The following NCKAP5 variants were observed in gnomAD, a reference collection of about 807,000 sequenced individuals.
NCKAP5 encodes NCK associated protein 5, also known as nck-associated protein 5.
Under a neutral mutation model 167.0 loss-of-function variants are expected in NCKAP5, and 92 were observed. That is an observed-to-expected ratio of 0.55 (90% confidence interval 0.47 to 0.66). NCKAP5 has a LOEUF of 0.66. Ranked by LOEUF, NCKAP5 falls within the 30% of genes least tolerant of loss-of-function variation. The probability of loss-of-function intolerance (pLI) is 0.00; values close to 1 mark genes in which losing one functional copy is unlikely to be tolerated. For missense variants in NCKAP5, 2,378 were observed against 2,315.0 expected (o/e 1.03, Z -0.56); for synonymous variants, 891 against 877.4 (o/e 1.02, Z -0.27).
At chr2:133,447,234 AAT>A (rs1691254969) in intron 3 of NCKAP5, among the ~76,000 whole-genome samples, 1 of 152,150 alleles carries the variant, frequency 6.6e-6, no homozygotes, top group Admixed American at 6.5e-5. Context: ...AGAGGGGCTC[AAT>A]ATTGATGGGA....
At chr2:133,350,993 G>A (rs573178413) in intron 3 of NCKAP5, among the ~76,000 whole-genome samples, 2 of 152,134 alleles carry the variant, frequency 1.3e-5, no homozygotes, top group African/African-American at 4.8e-5. Flanking sequence ...CAAACACCCT[G>A]AGCCACATCT....
chr2:133,314,502 T>A (rs1328760982), intron 3 of NCKAP5, among the ~76,000 whole-genome samples: 1 of 152,200 alleles, frequency 6.6e-6, no homozygotes, highest in Non-Finnish European at 1.5e-5. Context: ...GGGACCACTC[T>A]GTAAATCACT....
chr2:133,017,932 C>G (rs1258343187), intron 6 of NCKAP5, among the ~76,000 whole-genome samples: 1 of 152,176 alleles, frequency 6.6e-6, no homozygotes, highest in Non-Finnish European at 1.5e-5. Context: ...CAAATCACAG[C>G]TCTTAATGGA....
intron 11 of NCKAP5, among the ~76,000 whole-genome samples, chr2:132,809,960 C>G (rs993932222): frequency 2.0e-5 from 3 of 152,118 alleles, no homozygotes. Flanking sequence ...TTTTTAGCAG[C>G]TCTTGTAGTG....
chr2:133,145,536 C>A (rs182360047), intron 5 of NCKAP5, among the ~76,000 whole-genome samples: 29 of 152,122 alleles, frequency 1.9e-4, no homozygotes, highest in African/African-American at 6.7e-4. Context: ...AATTTCCCTG[C>A]ACAATCAATC....
At chr2:133,409,033 A>T (rs1403334967) in intron 3 of NCKAP5, among the ~76,000 whole-genome samples, 1 of 152,242 alleles carries the variant, frequency 6.6e-6, no homozygotes, top group Non-Finnish European at 1.5e-5. Flanking sequence ...TTACCACAGT[A>T]AAAGCTAATA....
At chr2:133,066,074 T>C (rs926845281) in intron 6 of NCKAP5, among the ~76,000 whole-genome samples, 4 of 152,212 alleles carry the variant, frequency 2.6e-5, no homozygotes, top group African/African-American at 9.7e-5. Context: ...CATGTATGTA[T>C]GTATTTCCCT....
the NCKAP5 span, among the ~76,000 whole-genome samples, chr2:133,644,699 C>T: frequency 2.4e-4 from 36 of 152,054 alleles, no homozygotes; most frequent in South Asian, 5.4e-3. Flanking sequence ...ACATCTAGTC[C>T]CCTTGCCAAT....
intron 5 of NCKAP5, among the ~76,000 whole-genome samples, chr2:133,146,738 T>C (rs1378688450): frequency 1.3e-5 from 2 of 152,048 alleles, no homozygotes; most frequent in African/African-American, 2.4e-5. Flanking sequence ...ATTCCATCAG[T>C]AGGCATTTAG....
intron 3 of NCKAP5, among the ~76,000 whole-genome samples, chr2:133,318,253 T>A (rs902483764): frequency 5.9e-5 from 9 of 152,156 alleles, no homozygotes; most frequent in African/African-American, 2.2e-4. Flanking sequence ...TAGATACCCA[T>A]CCCTGCCCCA....
At chr2:132,864,959 C>G (rs1302830443) in intron 10 of NCKAP5, among the ~76,000 whole-genome samples, 1 of 152,082 alleles carries the variant, frequency 6.6e-6, no homozygotes, top group Admixed American at 6.5e-5. Flanking sequence ...GGCTTCTGTT[C>G]AAAACACTGT....
In NCKAP5 at chr2:132,963,849, C is replaced by G. The variant is rs202187161; in HGVS notation, c.450G>C (p.Glu150Asp). ...MVYQEKLSEE[E>D]RKHKEALEDL... Reference sequence around the variant, plus strand: ...CTTCCAAAGCTTCCTTATGTTTTCTCTCTTCCTCTGACAGCTTTTCCTGAA... The same window carrying G: ...CTTCCAAAGCTTCCTTATGTTTTCTGTCTTCCTCTGACAGCTTTTCCTGAA... Residue 150 changes from glutamate to aspartate, a missense_variant, in exon 8 of 20, where the codon GAG (glutamate) becomes GAC (aspartate). Transcript: ENST00000409261. 2.8e-5 allele frequency: 45 copies of G among 1,613,744 alleles called. No homozygotes were observed. Among genetic ancestry groups the G allele is most frequent in the Admixed American group, 1.7e-4 (10 of 59,988 alleles).
At chr2:133,653,238 C>T in the NCKAP5 span, among the ~76,000 whole-genome samples, 1 of 152,210 alleles carries the variant, frequency 6.6e-6, no homozygotes, top group Admixed American at 6.5e-5. Context: ...TTAATCTTCT[C>T]TTCTCTATTC....
At chr2:133,626,321 T>G in the NCKAP5 span, among the ~76,000 whole-genome samples, 1 of 152,162 alleles carries the variant, frequency 6.6e-6, no homozygotes, top group Non-Finnish European at 1.5e-5. Flanking sequence ...ATGAAGCTTC[T>G]ACATCTAAAT....
At chr2:133,392,896 C>T (rs757029665) in intron 3 of NCKAP5, among the ~76,000 whole-genome samples, 10 of 152,046 alleles carry the variant, frequency 6.6e-5, no homozygotes, top group South Asian at 2.1e-4. Context: ...TACTGATGTA[C>T]GATGATTTAT....
chr2:132,732,078 G>A, intron 16 of NCKAP5, 27 bp from the exon 17 acceptor site: 2 of 1,573,220 alleles, frequency 1.3e-6, no homozygotes, highest in Non-Finnish European at 1.7e-6. Flanking sequence ...GAGAGAGAAG[G>A]GAATAGAGAA....
At chr2:132,720,276 T>C (rs1012423545) in intron 19 of NCKAP5, among the ~76,000 whole-genome samples, 36 of 152,324 alleles carry the variant, frequency 2.4e-4, no homozygotes, top group Middle Eastern at 3.4e-3. Flanking sequence ...TGTCTACTAC[T>C]TCACCCACTG....
upstream of NCKAP5, among the ~76,000 whole-genome samples, chr2:133,569,844 C>T (rs1262814484): frequency 6.6e-6 from 1 of 152,190 alleles, no homozygotes; most frequent in East Asian, 1.9e-4. Flanking sequence ...GTGTATGTCA[C>T]TGATGGGTCT....
intron 6 of NCKAP5, among the ~76,000 whole-genome samples, chr2:133,113,951 C>T (rs1296473158): frequency 1.3e-5 from 2 of 152,168 alleles, no homozygotes; most frequent in African/African-American, 4.8e-5. Context: ...TATGAGAATG[C>T]CATGCTTGAT....
Sources: gnomAD v4.1 joint callset for allele counts (sites outside exome capture counted in the v4.1 genomes callset) on GRCh38, gnomAD v4.1.1 for gene constraint, MANE v1.5 for transcripts, NCBI Gene and HGNC (gene_info 2026-07-23, HGNC 2026-07-21) for gene names.